KDM4C: variants seen among roughly 807,000 people sequenced by gnomAD.
KDM4C encodes lysine demethylase 4C.
KDM4C carries 81 observed loss-of-function variants against 129.3 expected under a neutral mutation model. The ratio of observed to expected loss-of-function variants is 0.63; its 90% CI spans 0.52 to 0.75. The LOEUF is 0.75. Ranked by LOEUF, KDM4C falls within the 30% of genes least tolerant of loss-of-function variation. KDM4C has a pLI of 0.00. For synonymous variants in KDM4C, 573 were observed against 456.1 expected (o/e 1.26, Z -3.26); for missense variants, 1,457 against 1,304.0 (o/e 1.12, Z -1.81).
At chr9:7,016,795 A>G (rs1425654670) in intron 15 of KDM4C, among the ~76,000 whole-genome samples, 1 of 152,066 alleles carries the variant, frequency 6.6e-6, no homozygotes, top group Admixed American at 6.5e-5. Flanking sequence ...TCGTGTCCAC[A>G]TTTACATTTT....
rs61292057 is a variant in KDM4C at position 6,935,584 on chromosome 9, AT to A, written c.921+42366del. The stretch of plus-strand genomic sequence containing the variant: ...AGGTGCGCGCCACCACGCCCGGCTA[AT>A]TTTTTTTTTTTTTGAGATGGATATT... On this transcript the variant is annotated intron_variant, in intron 8 of 21. Coordinates refer to ENST00000381309, the MANE Select transcript of KDM4C (RefSeq NM_015061.6). 1.8e-3 allele frequency among the ~76,000 whole-genome samples: 258 copies of A among 144,654 alleles called. 1 individual carries two copies. Among genetic ancestry groups the A allele is most frequent in the Middle Eastern group, 3.6e-3 (1 of 280 alleles). 94.9% of individuals were successfully genotyped at this position (144,654 alleles called of 152,430 possible).
intron 2 of KDM4C, among the ~76,000 whole-genome samples, chr9:6,793,696 A>G (rs1374618127): frequency 1.3e-5 from 2 of 151,464 alleles, no homozygotes; most frequent in African/African-American, 4.9e-5. Context: ...ACCCACCACC[A>G]TGCCCCGCTA....
At chr9:6,892,021 C>A (rs1241145660) in intron 7 of KDM4C, among the ~76,000 whole-genome samples, 9 of 152,096 alleles carry the variant, frequency 5.9e-5, no homozygotes, top group Non-Finnish European at 1.0e-4. Flanking sequence ...TGTGGTTTTA[C>A]AACTTTTATT....
chr9:6,791,975 T>C (rs1826735597), intron 1 of KDM4C, among the ~76,000 whole-genome samples: 1 of 152,112 alleles, frequency 6.6e-6, no homozygotes, highest in Admixed American at 6.5e-5. Context: ...TGTGCCGAGA[T>C]TGCGCCATTT....
chr9:7,143,423 T>C (rs1841945302), intron 19 of KDM4C, among the ~76,000 whole-genome samples: 1 of 152,230 alleles, frequency 6.6e-6, no homozygotes, highest in African/African-American at 2.4e-5. Context: ...AGAAAAGCTC[T>C]TACTTCAGAG....
chr9:7,070,218 G>C (rs1172425855), intron 17 of KDM4C, among the ~76,000 whole-genome samples: 1 of 152,140 alleles, frequency 6.6e-6, no homozygotes, highest in East Asian at 1.9e-4. Context: ...TAATGGAGTT[G>C]AATTTGTAAA....
intron 1 of KDM4C, among the ~76,000 whole-genome samples, chr9:6,762,244 C>A (rs188025902): frequency 1.3e-5 from 2 of 152,134 alleles, no homozygotes; most frequent in East Asian, 3.9e-4. Flanking sequence ...ACTATCCCTC[C>A]CCCAGCCCCC....
At position 7,064,557 on chromosome 9, in the gene KDM4C, A is replaced by C. The variant is rs142653252; in HGVS notation, c.2424+15357A>C. Among the ~76,000 whole-genome samples, 26 of 152,306 alleles carry C rather than the reference A, an allele frequency of 1.7e-4. 1 individual carries two copies. The highest frequency in any genetic ancestry group is 1.4e-3 in the Admixed American group (21 of 15,280). On this transcript the variant is annotated intron_variant, in intron 17 of 21. Coordinates refer to ENST00000381309, the MANE Select transcript of KDM4C (RefSeq NM_015061.6). ...CAGTCACGTTATGGAGCACGACAGA[A>C]TAAAGCCAAGGTCCTGGCATAAACA...
At chr9:6,922,544 T>C (rs529362385) in intron 8 of KDM4C, among the ~76,000 whole-genome samples, 1 of 152,352 alleles carries the variant, frequency 6.6e-6, no homozygotes, top group East Asian at 1.9e-4. Context: ...TCCAGAAGTT[T>C]GAGATCAGTC....
intron 19 of KDM4C, among the ~76,000 whole-genome samples, chr9:7,135,386 T>G (rs966428540): frequency 6.6e-6 from 1 of 152,166 alleles, no homozygotes; most frequent in Admixed American, 6.5e-5. Context: ...CTTTTTTCTT[T>G]CCAGGAGAGA....
intron 1 of KDM4C, among the ~76,000 whole-genome samples, chr9:6,735,799 C>A (rs1817508289): frequency 6.6e-6 from 1 of 152,070 alleles, no homozygotes; most frequent in South Asian, 2.1e-4. Context: ...CTGTAGATAC[C>A]CAAAAATGTG....
At chr9:6,971,726 A>G (rs1000453590) in intron 8 of KDM4C, among the ~76,000 whole-genome samples, 5 of 152,230 alleles carry the variant, frequency 3.3e-5, no homozygotes, top group African/African-American at 1.2e-4. Context: ...GACTTCCCCC[A>G]TGTAGTAATG....
intron 2 of KDM4C, among the ~76,000 whole-genome samples, chr9:6,793,514 C>T (rs1360172181): frequency 6.6e-6 from 1 of 151,150 alleles, no homozygotes; most frequent in Non-Finnish European, 1.5e-5. Flanking sequence ...CTTTTTCTTT[C>T]CTTCTATGTT....
At chr9:7,041,194 CT>C (rs939759206) in intron 15 of KDM4C, among the ~76,000 whole-genome samples, 1 of 151,896 alleles carries the variant, frequency 6.6e-6, no homozygotes, top group Non-Finnish European at 1.5e-5. Flanking sequence ...CATGTACAGA[CT>C]TTTTTTCCTT....
chr9:6,725,971 G>T (rs1357653996), intron 1 of KDM4C, among the ~76,000 whole-genome samples: 2 of 149,330 alleles, frequency 1.3e-5, no homozygotes, highest in Non-Finnish European at 3.0e-5. Flanking sequence ...CTGTTGCCCA[G>T]GCTGGAGTGC....
chr9:7,088,373 T>A (rs892794256), intron 17 of KDM4C, among the ~76,000 whole-genome samples: 2 of 152,234 alleles, frequency 1.3e-5, no homozygotes, highest in African/African-American at 4.8e-5. Context: ...GTGGCATTTT[T>A]AAACTCTCCT....
intron 15 of KDM4C, among the ~76,000 whole-genome samples, chr9:7,024,668 A>C (rs1466102087): frequency 2.0e-5 from 3 of 152,066 alleles, no homozygotes; most frequent in Non-Finnish European, 2.9e-5. Context: ...TGAACTCATC[A>C]TTTTTTATGG....
intron 15 of KDM4C, among the ~76,000 whole-genome samples, chr9:7,029,798 T>C (rs961375169): frequency 6.6e-6 from 1 of 152,196 alleles, no homozygotes; most frequent in Non-Finnish European, 1.5e-5. Context: ...TGTAACATCA[T>C]AGAAAGTCAC....
chr9:6,762,180 T>TGTTGGTTTGCTGCACTGATCAACTC (rs1353195840), intron 1 of KDM4C, among the ~76,000 whole-genome samples: 1 of 152,146 alleles, frequency 6.6e-6, no homozygotes, highest in Admixed American at 6.6e-5. Context: ...ACATGTGCCA[T>TGTTGGTTTGCTGCACTGATCAACTC]GTTGGTTTGC....
Sources: gnomAD v4.1 joint callset for allele counts (sites outside exome capture counted in the v4.1 genomes callset) on GRCh38, gnomAD v4.1.1 for gene constraint, MANE v1.5 for transcripts, NCBI Gene and HGNC (gene_info 2026-07-23, HGNC 2026-07-21) for gene names.